The following SPMIP2 variants were observed in gnomAD, a reference collection of about 807,000 sequenced individuals.
SPMIP2 encodes sperm microtubule inner protein 2.
chr4:159,082,449 C>CTCTGTGTGTG, the SPMIP2 span, among the ~76,000 whole-genome samples: 785 of 111,634 alleles, frequency 7.0e-3, 4 homozygotes, highest in Middle Eastern at 0.018. Flanking sequence ...CCACTTTTCT[C>CTCTGTGTGTG]TGTGTGTGTG....
chr4:159,030,482 T>G, the SPMIP2 span, among the ~76,000 whole-genome samples: 2 of 149,672 alleles, frequency 1.3e-5, no homozygotes, highest in Non-Finnish European at 3.0e-5. Flanking sequence ...TTTATTTATT[T>G]ATTTATTTAT....
the SPMIP2 span, among the ~76,000 whole-genome samples, chr4:159,079,496 T>C: frequency 3.3e-5 from 5 of 152,314 alleles, no homozygotes; most frequent in African/African-American, 1.2e-4. Context: ...GCTACCCAGT[T>C]CCAGGTATTT....
chr4:158,999,914 C>T, the SPMIP2 span, among the ~76,000 whole-genome samples: 2 of 152,106 alleles, frequency 1.3e-5, no homozygotes, highest in African/African-American at 2.4e-5. Flanking sequence ...ATAGAAAGAG[C>T]ACTTGAACAG....
At chr4:158,987,224 C>T in the SPMIP2 span, among the ~76,000 whole-genome samples, 268 of 149,356 alleles carry the variant, frequency 1.8e-3, no homozygotes, top group African/African-American at 6.1e-3. Context: ...GTCAGTGTGG[C>T]AATTCCTCAG....
At chr4:158,984,941 T>C in the SPMIP2 span, among the ~76,000 whole-genome samples, 1 of 151,872 alleles carries the variant, frequency 6.6e-6, no homozygotes, top group South Asian at 2.1e-4. Context: ...TAAAAAATGA[T>C]AAAGGGGATA....
the SPMIP2 span, among the ~76,000 whole-genome samples, chr4:159,015,873 G>C: frequency 6.6e-6 from 1 of 152,202 alleles, no homozygotes; most frequent in African/African-American, 2.4e-5. Flanking sequence ...GGATCAGGAG[G>C]TGGCAGAAGG....
At chr4:159,066,816 A>T in the SPMIP2 span, among the ~76,000 whole-genome samples, 1 of 152,132 alleles carries the variant, frequency 6.6e-6, no homozygotes. Flanking sequence ...GTAAAGGGCC[A>T]GAGAATAACT....
chr4:158,915,340 G>C, the SPMIP2 span: 2 of 1,611,752 alleles, frequency 1.2e-6, no homozygotes, highest in South Asian at 2.2e-5. Flanking sequence ...TGCATATCCA[G>C]GACATGAGGT....
At chr4:158,974,465 C>A in the SPMIP2 span, among the ~76,000 whole-genome samples, 17 of 152,148 alleles carry the variant, frequency 1.1e-4, no homozygotes, top group Middle Eastern at 3.4e-3. Context: ...CCTTGCCCCC[C>A]ACCCGCAACA....
the SPMIP2 span, among the ~76,000 whole-genome samples, chr4:159,037,054 T>A: frequency 6.6e-6 from 1 of 152,188 alleles, no homozygotes; most frequent in Non-Finnish European, 1.5e-5. Flanking sequence ...ATGAAGAAAG[T>A]AATTCTTTAG....
At chr4:159,050,372 T>C in the SPMIP2 span, among the ~76,000 whole-genome samples, 7 of 147,884 alleles carry the variant, frequency 4.7e-5, no homozygotes, top group African/African-American at 1.3e-4. Context: ...CAATTCATGA[T>C]AGTGTGAGTA....
the SPMIP2 span, among the ~76,000 whole-genome samples, chr4:159,073,220 C>T: frequency 6.6e-6 from 1 of 152,138 alleles, no homozygotes; most frequent in African/African-American, 2.4e-5. Flanking sequence ...GTGGCGCAAA[C>T]ACGGCTCACT....
the SPMIP2 span, among the ~76,000 whole-genome samples, chr4:159,039,201 A>T: frequency 6.6e-6 from 1 of 152,118 alleles, no homozygotes; most frequent in African/African-American, 2.4e-5. Context: ...AGGCTCCCAA[A>T]ATACTGGAAT....
chr4:159,032,123 G>T, the SPMIP2 span, among the ~76,000 whole-genome samples: 1 of 152,062 alleles, frequency 6.6e-6, no homozygotes, highest in Admixed American at 6.6e-5. Context: ...TTAGGAGGCT[G>T]AGGCACGAGA....
At chr4:159,024,652 TAG>T in the SPMIP2 span, among the ~76,000 whole-genome samples, 1 of 152,198 alleles carries the variant, frequency 6.6e-6, no homozygotes, top group African/African-American at 2.4e-5. Flanking sequence ...CTGAATGACA[TAG>T]AGTTTTCATC....
the SPMIP2 span, among the ~76,000 whole-genome samples, chr4:158,967,416 G>A: frequency 6.6e-6 from 1 of 152,266 alleles, no homozygotes; most frequent in Non-Finnish European, 1.5e-5. Context: ...AGGTGCTAAT[G>A]TAATTATTTT....
the SPMIP2 span, among the ~76,000 whole-genome samples, chr4:158,921,884 C>CTTTT: frequency 2.2e-5 from 2 of 91,324 alleles, no homozygotes; most frequent in African/African-American, 8.0e-5. Flanking sequence ...CTTCTACATA[C>CTTTT]TTTTTTTTTT....
At chr4:159,010,599 C>T in the SPMIP2 span, among the ~76,000 whole-genome samples, 1 of 152,212 alleles carries the variant, frequency 6.6e-6, no homozygotes, top group East Asian at 1.9e-4. Flanking sequence ...CCTCTTGATG[C>T]TCTTCAATTT....
chr4:159,014,354 G>A, the SPMIP2 span, among the ~76,000 whole-genome samples: 1 of 152,140 alleles, frequency 6.6e-6, no homozygotes, highest in Non-Finnish European at 1.5e-5. Context: ...TCAGGAGGCT[G>A]AGGCAGGAGA....
Sources: gnomAD v4.1 joint callset for allele counts (sites outside exome capture counted in the v4.1 genomes callset) on GRCh38, gnomAD v4.1.1 for gene constraint, MANE v1.5 for transcripts, NCBI Gene and HGNC (gene_info 2026-07-23, HGNC 2026-07-21) for gene names.